Variants in CHSY3 observed in about 807,000 individuals in gnomAD.
CHSY3 encodes the protein chondroitin sulfate synthase 3.
A neutral mutation model predicts 67.2 loss-of-function variants in CHSY3; 35 were observed. That is an observed-to-expected ratio of 0.52 (90% CI 0.40 to 0.69). The LOEUF (loss-of-function observed/expected upper bound fraction) is 0.69. CHSY3 is among the 30% of genes least tolerant of loss of function. CHSY3 has a pLI of 0.00. For synonymous variants in CHSY3, 474 were observed against 434.7 expected (o/e 1.09, Z -1.12); for missense variants, 1,069 against 1,138.5 (o/e 0.94, Z 0.88).
At chr5:130,095,638 A>G (rs1767018649) in intron 2 of CHSY3, among the ~76,000 whole-genome samples, 1 of 152,260 alleles carries the variant, frequency 6.6e-6, no homozygotes, top group African/African-American at 2.4e-5. Flanking sequence ...AAAATTATAA[A>G]TAGAAAATCA....
intron 2 of CHSY3, among the ~76,000 whole-genome samples, chr5:130,004,901 T>C (rs1763832908): frequency 6.6e-6 from 1 of 152,164 alleles, no homozygotes; most frequent in African/African-American, 2.4e-5. Flanking sequence ...GCAATTTTTG[T>C]TATATAAATA....
At chr5:130,034,135 A>C (rs535713601) in intron 2 of CHSY3, among the ~76,000 whole-genome samples, 1 of 152,148 alleles carries the variant, frequency 6.6e-6, no homozygotes, top group Non-Finnish European at 1.5e-5. Flanking sequence ...TTATCATATG[A>C]AATAGGACAA....
chr5:129,912,345 G>T (rs1457384625), intron 2 of CHSY3, among the ~76,000 whole-genome samples: 1 of 152,062 alleles, frequency 6.6e-6, no homozygotes, highest in Non-Finnish European at 1.5e-5. Flanking sequence ...ATCTTCAGTA[G>T]GGAAGGAAGT....
In CHSY3 at chr5:130,184,501, C is replaced by T; in HGVS notation, c.1359C>T (p.Asn453=). Residue 453 remains asparagine (N), a synonymous_variant, in exon 3 of 3, where the codon AAC becomes AAT. Transcript: ENST00000305031. ...DQQLGVIPSF[N]HFQPRERNEV... ...AGCTGGGAGTGATACCTTCTTTCAA[C>T]CACTTCCAGCCTCGGGAGAGAAATG... is the stretch of plus-strand genomic sequence containing the variant. The T allele has an allele frequency of 1.2e-6, 2 of 1,610,274 alleles. No homozygotes were observed. Among genetic ancestry groups the T allele is most frequent in the Non-Finnish European group, 1.7e-6 (2 of 1,176,518 alleles).
At chr5:130,180,829 G>A (rs1045158699) in intron 2 of CHSY3, among the ~76,000 whole-genome samples, 13 of 152,238 alleles carry the variant, frequency 8.5e-5, no homozygotes, top group African/African-American at 2.6e-4. Flanking sequence ...CAGCCTCGGC[G>A]ACAGAGTGAG....
chr5:129,907,726 A>G (rs145494839), intron 1 of CHSY3, among the ~76,000 whole-genome samples: 114 of 152,310 alleles, frequency 7.5e-4, no homozygotes, highest in Middle Eastern at 3.4e-3. Context: ...ACCAGTATTT[A>G]ATATTATTTT....
chr5:130,105,216 C>G (rs1443984012), intron 2 of CHSY3, among the ~76,000 whole-genome samples: 2 of 151,674 alleles, frequency 1.3e-5, no homozygotes, highest in African/African-American at 4.8e-5. Context: ...CTCCCTTTCT[C>G]TCTTCCCCTG....
intron 2 of CHSY3, among the ~76,000 whole-genome samples, chr5:130,094,668 T>C (rs973531569): frequency 3.9e-5 from 6 of 152,040 alleles, no homozygotes; most frequent in Non-Finnish European, 8.8e-5. Flanking sequence ...AAAGTGAATG[T>C]TTTTCTTCAA....
At chr5:130,073,386 C>T (rs533110515) in intron 2 of CHSY3, among the ~76,000 whole-genome samples, 1 of 151,918 alleles carries the variant, frequency 6.6e-6, no homozygotes, top group Admixed American at 6.6e-5. Flanking sequence ...CTCCCGGGTT[C>T]AAGCGATTCT....
At chr5:130,003,991 GTTTCGTATTTTTCC>G in intron 2 of CHSY3, among the ~76,000 whole-genome samples, 1 of 152,032 alleles carries the variant, frequency 6.6e-6, no homozygotes, top group Non-Finnish European at 1.5e-5. Context: ...GCATTTTTTG[GTTTCGTATTTTTCC>G]TTTGAGAACT....
intron 2 of CHSY3, among the ~76,000 whole-genome samples, chr5:130,078,311 A>G (rs1029990438): frequency 3.9e-5 from 6 of 152,078 alleles, no homozygotes; most frequent in African/African-American, 1.2e-4. Flanking sequence ...TTATGTGATC[A>G]TGATGCTGAG....
chr5:129,998,971 T>A (rs1313733237), intron 2 of CHSY3, among the ~76,000 whole-genome samples: 1 of 152,084 alleles, frequency 6.6e-6, no homozygotes, highest in Non-Finnish European at 1.5e-5. Context: ...CTGTGTTATT[T>A]GACATACAGA....
At chr5:130,029,688 CTT>C (rs904779893) in intron 2 of CHSY3, among the ~76,000 whole-genome samples, 1 of 151,984 alleles carries the variant, frequency 6.6e-6, no homozygotes, top group African/African-American at 2.4e-5. Context: ...TAAAATAAAA[CTT>C]TGTGAGGTTT....
At chr5:130,085,008 G>C (rs73245438) in intron 2 of CHSY3, among the ~76,000 whole-genome samples, 1 of 151,896 alleles carries the variant, frequency 6.6e-6, no homozygotes, top group Non-Finnish European at 1.5e-5. Context: ...TCATGTTAAC[G>C]CTGGTCAGCT....
intron 2 of CHSY3, among the ~76,000 whole-genome samples, chr5:129,918,346 C>T (rs1760800918): frequency 6.6e-6 from 1 of 152,170 alleles, no homozygotes; most frequent in Admixed American, 6.5e-5. Flanking sequence ...GGCTCGATTG[C>T]TTTAACATTG....
chr5:130,123,098 A>G (rs1006426841), intron 2 of CHSY3, among the ~76,000 whole-genome samples: 3 of 152,114 alleles, frequency 2.0e-5, no homozygotes, highest in Admixed American at 6.5e-5. Context: ...CGCAAGTTAA[A>G]TAGAGCCATT....
At chr5:130,069,583 A>G (rs1448420959) in intron 2 of CHSY3, among the ~76,000 whole-genome samples, 1 of 152,098 alleles carries the variant, frequency 6.6e-6, no homozygotes, top group Non-Finnish European at 1.5e-5. Flanking sequence ...CCTATTTGGT[A>G]AATGTATACA....
chr5:129,988,261 T>C (rs1235908272), intron 2 of CHSY3, among the ~76,000 whole-genome samples: 4 of 152,254 alleles, frequency 2.6e-5, no homozygotes, highest in Non-Finnish European at 4.4e-5. Context: ...CTTTTAATCC[T>C]GTTTAATCAC....
chr5:130,032,561 T>C (rs1290646981), intron 2 of CHSY3, among the ~76,000 whole-genome samples: 1 of 152,068 alleles, frequency 6.6e-6, no homozygotes, highest in African/African-American at 2.4e-5. Flanking sequence ...AGGAGATTTA[T>C]TGGAGAGAAC....
Sources: gnomAD v4.1 joint callset for allele counts (sites outside exome capture counted in the v4.1 genomes callset) on GRCh38, gnomAD v4.1.1 for gene constraint, MANE v1.5 for transcripts, NCBI Gene and HGNC (gene_info 2026-07-23, HGNC 2026-07-21) for gene names.